Variants in PTPN1 observed in about 807,000 individuals in gnomAD.
PTPN1 encodes the protein protein tyrosine phosphatase non-receptor type 1.
PTPN1 carries 12 observed loss-of-function variants against 59.9 expected under a neutral mutation model. The observed-to-expected ratio is 0.20, with a 90% CI of 0.13 to 0.32. PTPN1 has a LOEUF of 0.32. PTPN1 is among the 10% of genes least tolerant of loss of function. PTPN1 has a pLI of 1.00. For missense variants in PTPN1, 356 were observed against 549.2 expected, an observed-to-expected ratio of 0.65 and a Z score of 3.52; for synonymous variants, 178 against 203.6, an observed-to-expected ratio of 0.87 and a Z score of 1.07.
At chr20:50,513,577 T>C (rs1004507079) in intron 1 of PTPN1, among the ~76,000 whole-genome samples, 2 of 152,214 alleles carry the variant, frequency 1.3e-5, no homozygotes, top group Non-Finnish European at 2.9e-5. Flanking sequence ...GGGACTGCAA[T>C]AATACCTTGT....
intron 1 of PTPN1, among the ~76,000 whole-genome samples, chr20:50,531,657 G>A (rs762990052): frequency 1.3e-5 from 2 of 152,218 alleles, no homozygotes; most frequent in Non-Finnish European, 2.9e-5. Flanking sequence ...GATTACAGGC[G>A]TGAGCCACTG....
At chr20:50,549,748 A>G (rs2082694210) in intron 1 of PTPN1, among the ~76,000 whole-genome samples, 1 of 152,198 alleles carries the variant, frequency 6.6e-6, no homozygotes, top group South Asian at 2.1e-4. Context: ...TTTCTTTATT[A>G]TTAAACAGTG....
chr20:50,574,542 A>G lies in PTPN1; in HGVS notation c.380A>G (p.Gln127Arg). The stretch of plus-strand genomic sequence containing the variant: ...TTAAAATGCGCACAATACTGGCCAC[A>G]AAAAGAAGAAAAAGAGATGATCTTT... The part of the protein sequence containing the change: ...GSLKCAQYWP[Q>R]KEEKEMIFED... The change falls in exon 5 of 10, where the codon CAA (glutamine) becomes CGA (arginine). Residue 127 changes from glutamine to arginine, a missense_variant. Transcript: ENST00000371621. 1 of 1,604,356 alleles carries G rather than the reference A, an allele frequency of 6.2e-7. No individual in the cohort carries two copies. Among genetic ancestry groups the G allele is most frequent in the Non-Finnish European group, 8.5e-7 (1 of 1,177,276 alleles).
intron 2 of PTPN1, among the ~76,000 whole-genome samples, chr20:50,564,535 A>C (rs1198249636): frequency 6.6e-6 from 1 of 152,156 alleles, no homozygotes; most frequent in Non-Finnish European, 1.5e-5. Flanking sequence ...TGGAGGCTGC[A>C]GTGAGCTGAG....
chr20:50,564,157 A>AT (rs1568791296), intron 2 of PTPN1, among the ~76,000 whole-genome samples: 1 of 152,102 alleles, frequency 6.6e-6, no homozygotes, highest in Non-Finnish European at 1.5e-5. Context: ...AAACCACTGG[A>AT]TAGAGGTTAG....
At chr20:50,575,708 C>T (rs1227034288) in intron 5 of PTPN1, among the ~76,000 whole-genome samples, 1 of 152,056 alleles carries the variant, frequency 6.6e-6, no homozygotes, top group East Asian at 1.9e-4. Context: ...GAGGATCACT[C>T]GAGGCCAGGA....
chr20:50,565,561 A>C (rs1303461121), intron 3 of PTPN1, among the ~76,000 whole-genome samples: 3 of 152,188 alleles, frequency 2.0e-5, no homozygotes, highest in African/African-American at 7.2e-5. Context: ...AATGACTTAA[A>C]ATTTCTGTTG....
At chr20:50,514,615 C>G (rs1282809930) in intron 1 of PTPN1, among the ~76,000 whole-genome samples, 1 of 152,166 alleles carries the variant, frequency 6.6e-6, no homozygotes, top group East Asian at 1.9e-4. Flanking sequence ...ATCCTCCCAC[C>G]TTGGCCTCCT....
At chr20:50,511,532 T>C (rs2082507400) in intron 1 of PTPN1, among the ~76,000 whole-genome samples, 1 of 152,200 alleles carries the variant, frequency 6.6e-6, no homozygotes, top group South Asian at 2.1e-4. Context: ...CTCTCTAAAA[T>C]AGCATCTTTC....
intron 6 of PTPN1, 82 bp from the exon 7 acceptor site, chr20:50,579,086 G>A (rs1360503779): frequency 2.8e-6 from 4 of 1,444,486 alleles, no homozygotes; most frequent in Non-Finnish European, 3.8e-6. Context: ...GAGATTGGGA[G>A]GGGACAGACA....
chr20:50,515,453 CA>C (rs1361476643), intron 1 of PTPN1, among the ~76,000 whole-genome samples: 1 of 152,150 alleles, frequency 6.6e-6, no homozygotes, highest in African/African-American at 2.4e-5. Flanking sequence ...TCTTTACAAA[CA>C]TTTTTTTTTT....
intron 3 of PTPN1, among the ~76,000 whole-genome samples, chr20:50,567,012 T>C (rs2082782353): frequency 6.6e-6 from 1 of 152,052 alleles, no homozygotes; most frequent in Admixed American, 6.5e-5. Flanking sequence ...GCACAGGGAG[T>C]GCTGACTTGT....
At chr20:50,575,783 T>A (rs922819501) in intron 5 of PTPN1, among the ~76,000 whole-genome samples, 2 of 151,952 alleles carry the variant, frequency 1.3e-5, no homozygotes, top group Non-Finnish European at 2.9e-5. Flanking sequence ...AAACAGTTAG[T>A]CAGACATCGT....
At chr20:50,530,620 GTGCTGGGATTACAAC>G (rs1419936864) in intron 1 of PTPN1, among the ~76,000 whole-genome samples, 3 of 151,960 alleles carry the variant, frequency 2.0e-5, no homozygotes, top group Non-Finnish European at 2.9e-5. Context: ...GCCTCCCAAA[GTGCTGGGATTACAAC>G]TGCTGGGATT....
At chr20:50,556,509 G>A (rs1299881247) in intron 1 of PTPN1, among the ~76,000 whole-genome samples, 2 of 152,100 alleles carry the variant, frequency 1.3e-5, no homozygotes, top group African/African-American at 4.8e-5. Context: ...GTTATTAGTT[G>A]TTCTCTAGTA....
intron 1 of PTPN1, among the ~76,000 whole-genome samples, chr20:50,548,903 A>C (rs1447386418): frequency 1.3e-5 from 2 of 151,942 alleles, no homozygotes; most frequent in Non-Finnish European, 2.9e-5. Context: ...TTTTTAGTAC[A>C]GGCGGGGTTT....
At chr20:50,580,262 G>A (rs1423749254) in intron 8 of PTPN1, among the ~76,000 whole-genome samples, 2 of 152,336 alleles carry the variant, frequency 1.3e-5, no homozygotes, top group African/African-American at 2.4e-5. Context: ...GGACAGTCCT[G>A]AAATGTGATG....
In PTPN1 at chr20:50,568,255, C is replaced by T. The variant is rs2082788553; in HGVS notation, c.256-125C>T. 8 of 771,640 alleles carry T rather than the reference C, an allele frequency of 1.0e-5. No homozygotes were observed. The South Asian group carries it at 1.3e-4, about 12-fold the overall frequency. The allele number at this position is 771,640 out of a possible 1,614,324, so 47.8% of individuals were successfully genotyped here. A position where few individuals can be genotyped will look rare whatever the true frequency, so the allele number is the denominator to read the frequency against. On this transcript the variant is annotated intron_variant, in intron 3 of 9. Coordinates refer to ENST00000371621, the MANE Select transcript of PTPN1 (RefSeq NM_002827.4). The surrounding 1 kb of genome is among the most constrained non-coding windows in gnomAD (Gnocchi z 5.6). ...GAGAGGTGGGTCCCTGTCCCAGCCT[C>T]AGCCACCACTCTGCCTAAGCTGTGG...
chr20:50,554,145 A>T (rs1036710258), intron 1 of PTPN1, among the ~76,000 whole-genome samples: 1 of 152,230 alleles, frequency 6.6e-6, no homozygotes, highest in Non-Finnish European at 1.5e-5. Flanking sequence ...CTGCAATCCC[A>T]GCACTTTGGG....
Sources: gnomAD v4.1 joint callset for allele counts (sites outside exome capture counted in the v4.1 genomes callset) on GRCh38, gnomAD v4.1.1 for gene constraint, Gnocchi (gnomAD v3.1) non-coding constraint, MANE v1.5 for transcripts, NCBI Gene and HGNC (gene_info 2026-07-23, HGNC 2026-07-21) for gene names.